CYP2C18: variants seen among roughly 807,000 people sequenced by gnomAD.
CYP2C18 encodes cytochrome P450 family 2 subfamily C member 18, also known as cytochrome P450 2C18.
CYP2C18 carries 38 observed loss-of-function variants against 41.3 expected under a neutral mutation model. The ratio of observed to expected loss-of-function variants is 0.92; its 90% CI spans 0.71 to 1.21. The LOEUF is 1.21. CYP2C18 is among the 50% of genes most tolerant of loss of function. CYP2C18 has a pLI of 0.00. For synonymous variants in CYP2C18, 236 were observed against 210.0 expected (o/e 1.12, Z -1.07); for missense variants, 635 against 591.4 (o/e 1.07, Z -0.77).
chr10:94,694,815 G>A lies in CYP2C18; in HGVS notation c.482-102G>A, dbSNP rs1349750052. The A allele has an allele frequency of 2.3e-5, 29 of 1,252,508 alleles. No homozygotes were observed. In the Admixed American group the frequency reaches 3.7e-4, roughly 16 times the overall value. 77.6% of individuals were successfully genotyped at this position (1,252,508 alleles called of 1,614,324 possible). A position where few individuals can be genotyped will look rare whatever the true frequency, so the allele number is the denominator to read the frequency against. On this transcript the variant is annotated intron_variant, in intron 3 of 8. Coordinates refer to ENST00000285979, the MANE Select transcript of CYP2C18 (RefSeq NM_000772.3). ...GTGTTGATAAGAGAATTTCTAGGTA[G>A]GTATTGGTTTAGAGTTTCTAAAAAT...
intron 3 of CYP2C18, among the ~76,000 whole-genome samples, chr10:94,692,296 A>G (rs1847016077): frequency 2.6e-5 from 4 of 152,192 alleles, no homozygotes; most frequent in African/African-American, 9.7e-5. Context: ...GCTAATATCC[A>G]GAATCACAAT....
chr10:94,689,635 T>C (rs1335558599), intron 3 of CYP2C18, among the ~76,000 whole-genome samples: 4 of 152,168 alleles, frequency 2.6e-5, no homozygotes, highest in African/African-American at 9.7e-5. Flanking sequence ...CCCTTAGATA[T>C]GGCATAATAT....
chr10:94,705,867 G>A (rs1847333883), intron 4 of CYP2C18, among the ~76,000 whole-genome samples: 1 of 152,108 alleles, frequency 6.6e-6, no homozygotes, highest in Non-Finnish European at 1.5e-5. Context: ...CCATTAGCTG[G>A]TGGTTTTTCC....
intron 3 of CYP2C18, among the ~76,000 whole-genome samples, chr10:94,690,675 T>G (rs962209642): frequency 5.9e-5 from 9 of 152,202 alleles, no homozygotes; most frequent in African/African-American, 1.7e-4. Flanking sequence ...ACTCATTTTA[T>G]GAGGGCAGCA....
At chr10:94,699,118 A>G (rs979742684) in intron 4 of CYP2C18, among the ~76,000 whole-genome samples, 1 of 152,214 alleles carries the variant, frequency 6.6e-6, no homozygotes, top group Non-Finnish European at 1.5e-5. Flanking sequence ...AATCCTCCCT[A>G]ATGCATTTGG....
Position 94,687,913 on chromosome 10 carries a change from A to G in CYP2C18, c.312A>G (p.Glu104=), listed in dbSNP as rs1259638700. The change falls in exon 2 of 9, where the codon GAA becomes GAG. Residue 104 remains glutamate (E), a synonymous_variant. Coordinates refer to ENST00000285979, the MANE Select transcript of CYP2C18 (RefSeq NM_000772.3). The stretch of plus-strand genomic sequence containing the variant: ...GAAGAGGAAGTTTTCCAGTGGCTGA[A>G]AAAGTTAACAAAGGACTTGGTAAAT... The part of the protein sequence containing the change: ...FSGRGSFPVA[E]KVNKGLGILF... 2.5e-6 allele frequency: 4 copies of G among 1,613,770 alleles called. No individual in the cohort carries two copies. Among genetic ancestry groups the G allele is most frequent in the Admixed American group, 1.7e-5 (1 of 60,000 alleles).
At chr10:94,703,547 CCT>C (rs1847282259) in intron 4 of CYP2C18, among the ~76,000 whole-genome samples, 1 of 152,268 alleles carries the variant, frequency 6.6e-6, no homozygotes, top group Non-Finnish European at 1.5e-5. Flanking sequence ...GGGAAAACCG[CCT>C]ACTCACACCT....
At chr10:94,714,770 G>C (rs1847509025) in intron 5 of CYP2C18, among the ~76,000 whole-genome samples, 1 of 152,178 alleles carries the variant, frequency 6.6e-6, no homozygotes, top group Non-Finnish European at 1.5e-5. Context: ...ACCTTGGGAA[G>C]TATGGCCATT....
rs139191072 is a variant in CYP2C18 at position 94,719,575 on chromosome 10, G to T, written c.820-821G>T. On this transcript the variant is annotated intron_variant, in intron 5 of 8. Transcript: ENST00000285979. Reference sequence around the variant, plus strand: ...GTGCAATTCACCTGGTTAATTTTTTGATTTTTATTTTTTTTTTTGAGAGGA... The same window carrying T: ...GTGCAATTCACCTGGTTAATTTTTTTATTTTTATTTTTTTTTTTGAGAGGA... 2.2e-3 allele frequency among the ~76,000 whole-genome samples: 327 copies of T among 151,170 alleles called. 2 individuals carry two copies. The highest frequency in any genetic ancestry group is 9.5e-4 in the Non-Finnish European group (64 of 67,664).
At chr10:94,706,012 C>T (rs1227000740) in intron 4 of CYP2C18, among the ~76,000 whole-genome samples, 1 of 152,122 alleles carries the variant, frequency 6.6e-6, no homozygotes, top group African/African-American at 2.4e-5. Context: ...ACCTAGAGAC[C>T]TCTTCATCAC....
chr10:94,683,887 G>T lies in CYP2C18; in HGVS notation c.68G>T (p.Ser23Ile). 1 of 1,611,986 alleles carries T rather than the reference G, an allele frequency of 6.2e-7. No individual in the cohort carries two copies. The highest frequency in any genetic ancestry group is 8.5e-7 in the Non-Finnish European group (1 of 1,178,994). Reference protein sequence around the residue: ...CLFLLSLWRQSSGRGRLPSGP... With the variant: ...CLFLLSLWRQISGRGRLPSGP... ...TTTCTCCTTTCACTCTGGAGGCAGAGCTCTGGAAGAGGGAGGCTCCCGTCT... is the reference window on the plus strand; with the variant it reads ...TTTCTCCTTTCACTCTGGAGGCAGATCTCTGGAAGAGGGAGGCTCCCGTCT... The change falls in exon 1 of 9, where the codon AGC becomes ATC. Residue 23 changes from serine (S) to isoleucine (I), a missense_variant. Ser to Ile is a moderately radical substitution (Grantham distance 142). Coordinates refer to ENST00000285979, the MANE Select transcript of CYP2C18 (RefSeq NM_000772.3).
intron 7 of CYP2C18, among the ~76,000 whole-genome samples, chr10:94,725,985 A>G (rs1049566469): frequency 5.3e-5 from 8 of 151,896 alleles, no homozygotes; most frequent in African/African-American, 1.9e-4. Flanking sequence ...TCCCTTCTCT[A>G]TTCTTTTTGT....
intron 5 of CYP2C18, among the ~76,000 whole-genome samples, chr10:94,713,162 T>C (rs1306782936): frequency 1.3e-5 from 2 of 151,982 alleles, no homozygotes; most frequent in African/African-American, 2.4e-5. Flanking sequence ...TTTCTTCCAA[T>C]GTTATTTTTT....
intron 6 of CYP2C18, among the ~76,000 whole-genome samples, chr10:94,722,710 A>G (rs542509795): frequency 6.6e-6 from 1 of 152,264 alleles, no homozygotes; most frequent in South Asian, 2.1e-4. Flanking sequence ...GTTTTTCTCC[A>G]CAGAAAAGGG....
In CYP2C18 at chr10:94,683,765, A is replaced by C. The variant is rs1589789084; in HGVS notation, c.-55A>C. 7.1e-7 allele frequency: 1 copy of C among 1,415,772 alleles called. No homozygotes were observed. Among genetic ancestry groups the C allele is most frequent in the African/African-American group, 1.4e-5 (1 of 69,746 alleles). The allele number at this position is 1,415,772 out of a possible 1,614,324, so 87.7% of individuals were successfully genotyped here. ...CACAGGTGGATTAGTAGGGAGTGTT[A>C]TAAAAGCCTTGAAGTGAAAGCCCGC... On this transcript the variant is annotated 5_prime_UTR_variant, in exon 1 of 9. Transcript: ENST00000285979.
At chr10:94,718,692 A>G (rs1847598043) in intron 5 of CYP2C18, among the ~76,000 whole-genome samples, 1 of 152,136 alleles carries the variant, frequency 6.6e-6, no homozygotes. Context: ...TTTGAGTTTC[A>G]TCCCTTTCTC....
intron 4 of CYP2C18, among the ~76,000 whole-genome samples, chr10:94,701,442 G>A (rs967157340): frequency 1.2e-4 from 19 of 152,052 alleles, no homozygotes; most frequent in African/African-American, 4.6e-4. Context: ...ACACGGGAAG[G>A]GGAACATCAC....
chr10:94,697,041 GTTGGAAAA>G (rs1847131225), intron 4 of CYP2C18, among the ~76,000 whole-genome samples: 1 of 152,202 alleles, frequency 6.6e-6, no homozygotes, highest in South Asian at 2.1e-4. Context: ...ATGGAACCAA[GTTGGAAAA>G]CACTCTGCAC....
intron 3 of CYP2C18, among the ~76,000 whole-genome samples, chr10:94,691,965 A>G (rs1589792686): frequency 6.6e-6 from 1 of 152,326 alleles, no homozygotes; most frequent in Non-Finnish European, 1.5e-5. Context: ...AAAACTGGCT[A>G]GCCATATGTA....
Sources: allele counts gnomAD v4.1 joint callset (sites outside exome capture counted in the v4.1 genomes callset), GRCh38; gene constraint gnomAD v4.1.1; transcripts MANE v1.5; gene names NCBI Gene and HGNC (gene_info 2026-07-23, HGNC 2026-07-21).